PTPRN2: variants seen among roughly 807,000 people sequenced by gnomAD.
The protein encoded by PTPRN2 is protein tyrosine phosphatase receptor type N2.
PTPRN2 carries 74 observed loss-of-function variants against 118.8 expected under a neutral mutation model. The observed-to-expected ratio is 0.62, with a 90% CI of 0.52 to 0.76. PTPRN2 has a LOEUF of 0.76. Among genes scored for constraint, PTPRN2 ranks in the 30% least tolerant of loss-of-function variants. The pLI is 0.00. For missense variants in PTPRN2, 1,481 were observed against 1,394.4 expected, an observed-to-expected ratio of 1.06 and a Z score of -0.99; for synonymous variants, 641 against 608.0, an observed-to-expected ratio of 1.05 and a Z score of -0.80.
intron 3 of PTPRN2, among the ~76,000 whole-genome samples, chr7:158,231,229 T>C: frequency 6.6e-6 from 1 of 152,108 alleles, no homozygotes; most frequent in Non-Finnish European, 1.5e-5. Flanking sequence ...ATCACACCAC[T>C]GCACTCAGCT....
chr7:158,362,348 C>A (rs1319296237), intron 2 of PTPRN2, among the ~76,000 whole-genome samples: 7 of 152,022 alleles, frequency 4.6e-5, no homozygotes, highest in Non-Finnish European at 7.3e-5. Context: ...GCCACCCTGG[C>A]CCCAAAGCAC....
intron 11 of PTPRN2, among the ~76,000 whole-genome samples, chr7:158,051,688 G>C (rs1178324415): frequency 2.0e-5 from 3 of 152,182 alleles, no homozygotes; most frequent in Admixed American, 6.5e-5. Flanking sequence ...TGTCTCAGCT[G>C]GTAATATGTT....
At chr7:158,374,006 CAG>C (rs970848386) in intron 2 of PTPRN2, among the ~76,000 whole-genome samples, 25 of 152,224 alleles carry the variant, frequency 1.6e-4, no homozygotes, top group Non-Finnish European at 2.6e-4. Context: ...GGGAAACGGG[CAG>C]AGTGTGATGA....
intron 15 of PTPRN2, chr7:157,616,185 C>A (rs1040503233): frequency 6.4e-6 from 1 of 155,068 alleles, no homozygotes; most frequent in African/African-American, 2.4e-5. Context: ...CACACCAGGC[C>A]AGACATCTTA....
At chr7:157,735,691 T>C (rs1297264231) in intron 12 of PTPRN2, among the ~76,000 whole-genome samples, 1 of 152,190 alleles carries the variant, frequency 6.6e-6, no homozygotes, top group African/African-American at 2.4e-5. Context: ...CTTGGCTGGA[T>C]TCTAAACTCC....
At chr7:158,365,651 G>A (rs1563204695) in intron 2 of PTPRN2, among the ~76,000 whole-genome samples, 1 of 143,874 alleles carries the variant, frequency 7.0e-6, no homozygotes, top group African/African-American at 2.9e-5. Flanking sequence ...GCAGCCCAAT[G>A]CACACGCACA....
chr7:157,924,538 G>T (rs1206293002), intron 11 of PTPRN2, among the ~76,000 whole-genome samples: 2 of 152,372 alleles, frequency 1.3e-5, no homozygotes, highest in South Asian at 2.1e-4. Context: ...AGTCAGAGCT[G>T]GTTCCTGACC....
intron 12 of PTPRN2, among the ~76,000 whole-genome samples, chr7:157,684,439 A>T (rs1459602850): frequency 8.1e-6 from 1 of 123,230 alleles, no homozygotes; most frequent in Non-Finnish European, 1.7e-5. Flanking sequence ...GAGGGGAGTG[A>T]GCAGGGAGCC....
chr7:157,876,618 C>T (rs372524350), intron 12 of PTPRN2, among the ~76,000 whole-genome samples: 47 of 152,324 alleles, frequency 3.1e-4, no homozygotes, highest in African/African-American at 1.1e-3. Context: ...GCAGCTTCCA[C>T]GTCCACCAGG....
chr7:158,355,541 T>C (rs1206724797), intron 2 of PTPRN2, among the ~76,000 whole-genome samples: 1 of 152,228 alleles, frequency 6.6e-6, no homozygotes, highest in East Asian at 1.9e-4. Context: ...TGCAATGGGC[T>C]GGCCACCAGC....
intron 2 of PTPRN2, among the ~76,000 whole-genome samples, chr7:158,416,083 C>T (rs1303641526): frequency 3.3e-5 from 5 of 152,234 alleles, no homozygotes; most frequent in African/African-American, 9.6e-5. Context: ...GCAAATCCTA[C>T]AATCCACGGT....
intron 2 of PTPRN2, among the ~76,000 whole-genome samples, chr7:158,336,409 C>A (rs1173222851): frequency 7.8e-6 from 1 of 128,436 alleles, no homozygotes. Context: ...CACACTCTCA[C>A]AATAATTGGT....
chr7:158,061,030 T>C (rs1810288417), intron 11 of PTPRN2, among the ~76,000 whole-genome samples: 1 of 152,264 alleles, frequency 6.6e-6, no homozygotes, highest in Non-Finnish European at 1.5e-5. Flanking sequence ...CAATATGGAA[T>C]AAATCAGGTG....
At chr7:158,088,080 C>A (rs1215587300) in intron 10 of PTPRN2, among the ~76,000 whole-genome samples, 5 of 76,014 alleles carry the variant, frequency 6.6e-5, no homozygotes, top group African/African-American at 1.6e-4. Flanking sequence ...ACCTTCTTCC[C>A]CTGATGAAAG....
chr7:157,719,621 G>A (rs917599723), intron 12 of PTPRN2, among the ~76,000 whole-genome samples: 2 of 152,216 alleles, frequency 1.3e-5, no homozygotes, highest in African/African-American at 4.8e-5. Flanking sequence ...TGGAAGGCAT[G>A]AGCGCCCCCG....
intron 6 of PTPRN2, among the ~76,000 whole-genome samples, chr7:158,150,984 C>A (rs1006151304): frequency 2.6e-5 from 4 of 152,002 alleles, no homozygotes; most frequent in African/African-American, 4.8e-5. Flanking sequence ...AATGTCTGTT[C>A]CTCTCAGCAC....
At position 157,990,632 on chromosome 7, in the gene PTPRN2, G is replaced by A. The variant is rs1389725780; in HGVS notation, c.1723+90666C>T. 6.6e-6 allele frequency among the ~76,000 whole-genome samples: 1 copy of A among 152,202 alleles called. No individual in the cohort carries two copies. Among genetic ancestry groups the A allele is most frequent in the East Asian group, 1.9e-4 (1 of 5,182 alleles). ...GCTGGGGGTCAGGGCTCAGGGCGGT[G>A]CTGACAGTAGGACATGCTGGTCCCC... On this transcript the variant is annotated intron_variant, in intron 11 of 22. Transcript: ENST00000389418. This position sits in a 1 kb window ranked among gnomAD's most constrained non-coding sequence, Gnocchi z 4.3.
intron 2 of PTPRN2, among the ~76,000 whole-genome samples, chr7:158,458,674 T>C (rs543980312): frequency 6.6e-6 from 1 of 152,250 alleles, no homozygotes; most frequent in South Asian, 2.1e-4. Context: ...GAGCTGAAAG[T>C]TGCACAGTTA....
At chr7:158,128,451 T>G (rs894159908) in intron 9 of PTPRN2, among the ~76,000 whole-genome samples, 1 of 152,056 alleles carries the variant, frequency 6.6e-6, no homozygotes, top group Admixed American at 6.5e-5. Context: ...AGGAGGTAAA[T>G]ATTCCAGTCC....
Sources: allele counts gnomAD v4.1 joint callset (sites outside exome capture counted in the v4.1 genomes callset), GRCh38; gene constraint gnomAD v4.1.1; non-coding constraint Gnocchi (gnomAD v3.1); transcripts MANE v1.5; gene names NCBI Gene and HGNC (gene_info 2026-07-23, HGNC 2026-07-21).